Variants in SEMA3E observed in about 807,000 individuals in gnomAD.
SEMA3E encodes semaphorin 3E.
In SEMA3E, 49 loss-of-function variants were observed where a neutral mutation model predicts 93.6. The observed-to-expected ratio is 0.52, with a 90% CI of 0.42 to 0.66. The LOEUF (loss-of-function observed/expected upper bound fraction) is 0.66, where lower values mean the gene tolerates loss of function less well. Ranked by LOEUF, SEMA3E falls within the 30% of genes least tolerant of loss-of-function variation. The probability of loss-of-function intolerance (pLI) is 0.00; values close to 1 mark genes in which losing one functional copy is unlikely to be tolerated. For synonymous variants in SEMA3E, 363 were observed against 330.7 expected, an observed-to-expected ratio of 1.10 and a Z score of -1.06; for missense variants, 906 against 964.8, an observed-to-expected ratio of 0.94 and a Z score of 0.81.
intron 2 of SEMA3E, among the ~76,000 whole-genome samples, chr7:83,472,311 A>G (rs1235525210): frequency 6.6e-6 from 1 of 152,194 alleles, no homozygotes; most frequent in Non-Finnish European, 1.5e-5. Context: ...CCACAACTTT[A>G]TCAAAGAGAT....
chr7:83,455,981 C>T (rs1330196693), intron 4 of SEMA3E, among the ~76,000 whole-genome samples: 3 of 152,228 alleles, frequency 2.0e-5, no homozygotes, highest in Non-Finnish European at 4.4e-5. Flanking sequence ...GCCAACTAAA[C>T]AGTGCCTGGA....
chr7:83,535,568 C>T (rs1332610763), intron 1 of SEMA3E, among the ~76,000 whole-genome samples: 1 of 151,996 alleles, frequency 6.6e-6, no homozygotes, highest in African/African-American at 2.4e-5. Flanking sequence ...ATTAAAGAAC[C>T]TATCAATGAC....
chr7:83,468,494 G>T (rs898706917), intron 3 of SEMA3E, among the ~76,000 whole-genome samples: 1 of 152,056 alleles, frequency 6.6e-6, no homozygotes, highest in Admixed American at 6.5e-5. Flanking sequence ...CCTTGGCTGT[G>T]ACCCAGCTGC....
chr7:83,367,533 T>C lies in SEMA3E; in HGVS notation c.*53A>G, dbSNP rs941115406. 6 of 1,580,256 alleles carry C rather than the reference T, an allele frequency of 3.8e-6. No homozygotes were observed. In the Admixed American group the frequency reaches 6.7e-5, roughly 18 times the overall value. On this transcript the variant is annotated 3_prime_UTR_variant, in exon 17 of 17. Coordinates refer to ENST00000643230, the MANE Select transcript of SEMA3E (RefSeq NM_012431.3). ...AAGTTGGATGATTTATTTTTTTACT[T>C]TTTTACTTTCCAAATATAAATTCTT...
intron 1 of SEMA3E, among the ~76,000 whole-genome samples, chr7:83,521,912 T>C (rs1339261093): frequency 1.3e-5 from 2 of 152,126 alleles, no homozygotes; most frequent in African/African-American, 4.8e-5. Flanking sequence ...CTCAGTTCAT[T>C]GTAGGCACTT....
chr7:83,599,757 C>T (rs939595750), intron 1 of SEMA3E, among the ~76,000 whole-genome samples: 1 of 152,142 alleles, frequency 6.6e-6, no homozygotes, highest in African/African-American at 2.4e-5. Flanking sequence ...GGTGTTCCAA[C>T]CATGTTTTAC....
At chr7:83,393,077 T>C (rs913193963) in intron 13 of SEMA3E, among the ~76,000 whole-genome samples, 2 of 150,410 alleles carry the variant, frequency 1.3e-5, no homozygotes, top group African/African-American at 4.9e-5. Flanking sequence ...TTGTTCAATA[T>C]AGATAATATT....
intron 16 of SEMA3E, among the ~76,000 whole-genome samples, chr7:83,375,441 T>C (rs1054897211): frequency 3.3e-4 from 50 of 152,094 alleles, no homozygotes; most frequent in Non-Finnish European, 8.8e-5. Flanking sequence ...GAAGAGATAA[T>C]GCCTGATAAT....
intron 1 of SEMA3E, among the ~76,000 whole-genome samples, chr7:83,548,822 C>T (rs1024851706): frequency 2.6e-5 from 4 of 152,090 alleles, no homozygotes; most frequent in Non-Finnish European, 5.9e-5. Context: ...GTCCTCACTA[C>T]TCCCAGATGC....
chr7:83,433,267 G>C (rs1468267956), intron 4 of SEMA3E, among the ~76,000 whole-genome samples: 1 of 152,056 alleles, frequency 6.6e-6, no homozygotes, highest in East Asian at 1.9e-4. Context: ...AAATGTAAAT[G>C]TAATATATAT....
intron 1 of SEMA3E, among the ~76,000 whole-genome samples, chr7:83,596,123 C>T (rs572082401): frequency 6.6e-6 from 1 of 152,062 alleles, no homozygotes; most frequent in East Asian, 1.9e-4. Flanking sequence ...TAGTATGACT[C>T]AGATATTTAT....
intron 1 of SEMA3E, among the ~76,000 whole-genome samples, chr7:83,501,673 ACTT>A (rs1790600661): frequency 6.6e-6 from 1 of 152,104 alleles, no homozygotes; most frequent in African/African-American, 2.4e-5. Flanking sequence ...TCTATTATCT[ACTT>A]CTTCGTCTGA....
rs542160932 is a variant in SEMA3E, at chr7:83,592,697, A to G, written c.115+55731T>C. Among the ~76,000 whole-genome samples the G allele has an allele frequency of 7.2e-5, 11 of 152,276 alleles. No individual in the cohort carries two copies. In the South Asian group the frequency reaches 2.1e-3, roughly 29 times the overall value. ...GGTTTGGTATGTAGAAAAATGTCTC[A>G]ACTGAAGGTACCAAATTTGCGAGTA... On this transcript the variant is annotated intron_variant, in intron 1 of 16. Transcript: ENST00000643230.
chr7:83,462,753 T>C (rs930017131), intron 4 of SEMA3E, among the ~76,000 whole-genome samples: 5 of 144,064 alleles, frequency 3.5e-5, no homozygotes, highest in Admixed American at 3.5e-4. Context: ...AATTCCCCCA[T>C]TTTACCTGTC....
intron 2 of SEMA3E, among the ~76,000 whole-genome samples, chr7:83,477,637 T>A (rs889346468): frequency 2.6e-5 from 4 of 152,136 alleles, no homozygotes; most frequent in African/African-American, 7.2e-5. Context: ...TAGAAAAATA[T>A]GATAACTACA....
chr7:83,580,102 A>G (rs1376856728), intron 1 of SEMA3E, among the ~76,000 whole-genome samples: 3 of 152,096 alleles, frequency 2.0e-5, no homozygotes, highest in Non-Finnish European at 1.5e-5. Context: ...TACACCGACA[A>G]CTATCTGAAC....
At chr7:83,466,838 C>G (rs1789771267) in intron 3 of SEMA3E, among the ~76,000 whole-genome samples, 1 of 152,048 alleles carries the variant, frequency 6.6e-6, no homozygotes, top group Non-Finnish European at 1.5e-5. Flanking sequence ...GAGACTGCAT[C>G]ATTTTTCATG....
At chr7:83,470,693 G>A (rs1251089566) in intron 2 of SEMA3E, among the ~76,000 whole-genome samples, 1 of 151,788 alleles carries the variant, frequency 6.6e-6, no homozygotes, top group Non-Finnish European at 1.5e-5. Context: ...ATTGCTTTTT[G>A]TGCATATATT....
intron 1 of SEMA3E, among the ~76,000 whole-genome samples, chr7:83,504,318 A>G (rs1259823199): frequency 2.6e-5 from 4 of 152,184 alleles, no homozygotes; most frequent in Non-Finnish European, 4.4e-5. Flanking sequence ...ACTCATCTAC[A>G]TTATAATAAC....
Sources: allele counts gnomAD v4.1 joint callset (sites outside exome capture counted in the v4.1 genomes callset), GRCh38; gene constraint gnomAD v4.1.1; transcripts MANE v1.5; gene names NCBI Gene and HGNC (gene_info 2026-07-23, HGNC 2026-07-21).